TYW3: variants seen among roughly 807,000 people sequenced by gnomAD.
TYW3 encodes the protein tRNA wybutosine-synthesizing protein 3 homolog.
Under a neutral mutation model 23.1 loss-of-function variants are expected in TYW3, and 26 were observed. The ratio of observed to expected loss-of-function variants is 1.13; its 90% confidence interval spans 0.83 to 1.56. TYW3 has a LOEUF of 1.56. TYW3 is among the 40% of genes most tolerant of loss of function. TYW3 has a pLI of 0.00. For missense variants in TYW3, 316 were observed against 311.9 expected (o/e 1.01, Z -0.10); for synonymous variants, 102 against 105.7 (o/e 0.97, Z 0.21).
At chr1:74,743,220 T>G (rs1648426815) in intron 3 of TYW3, among the ~76,000 whole-genome samples, 1 of 152,284 alleles carries the variant, frequency 6.6e-6, no homozygotes, top group East Asian at 1.9e-4. Context: ...CACCGGGTGA[T>G]TGGCCTGCTC....
intron 3 of TYW3, among the ~76,000 whole-genome samples, chr1:74,748,265 T>C (rs1357504508): frequency 1.3e-5 from 2 of 152,170 alleles, no homozygotes; most frequent in African/African-American, 4.8e-5. Context: ...CTCTCTGACA[T>C]TTAGAGACTG....
intron 4 of TYW3, 57 bp downstream of exon 4, chr1:74,748,879 T>A: frequency 8.9e-6 from 13 of 1,454,364 alleles, no homozygotes; most frequent in Non-Finnish European, 1.2e-5. Context: ...AGAAATTGAA[T>A]AACCTAATTA....
At chr1:74,744,351 CAGAG>C (rs1186681718) in intron 3 of TYW3, among the ~76,000 whole-genome samples, 1 of 151,324 alleles carries the variant, frequency 6.6e-6, no homozygotes. Context: ...TTTTCCCCAT[CAGAG>C]AGAGAATATT....
At chr1:74,748,117 C>T (rs1648651499) in intron 3 of TYW3, among the ~76,000 whole-genome samples, 1 of 139,852 alleles carries the variant, frequency 7.2e-6, no homozygotes, top group Non-Finnish European at 1.5e-5. Context: ...TGCTAGAGAT[C>T]TCCCTTCCTC....
At chr1:74,756,936 A>G (rs896938228) in intron 5 of TYW3, among the ~76,000 whole-genome samples, 4 of 152,336 alleles carry the variant, frequency 2.6e-5, no homozygotes, top group Admixed American at 2.6e-4. Flanking sequence ...AAAGGGACCA[A>G]TGTAGAGCTT....
chr1:74,747,882 CAT>C (rs79762448), intron 3 of TYW3, among the ~76,000 whole-genome samples: 59,447 of 150,520 alleles, frequency 0.39, 14,291 homozygotes, highest in Non-Finnish European at 0.55. Flanking sequence ...CATACACACA[CAT>C]ATACACATAT....
chr1:74,733,215 A>G lies in TYW3; in HGVS notation c.-30A>G. ...GGGAGAGACGAGGCTACCATGAAGG[A>G]GCCGAGCGCAGACCCTGAGTCCGTC... is the stretch of plus-strand genomic sequence containing the variant. On this transcript the variant is annotated 5_prime_UTR_variant, in exon 1 of 6. Coordinates refer to ENST00000370867, the MANE Select transcript of TYW3 (RefSeq NM_138467.3). 6.2e-7 allele frequency: 1 copy of G among 1,610,364 alleles called. No homozygotes were observed. Among genetic ancestry groups the G allele is most frequent in the Non-Finnish European group, 8.5e-7 (1 of 1,178,072 alleles).
Position 74,747,894 on chromosome 1 carries a change from TAC to T in TYW3, c.355-851_355-850del, listed in dbSNP as rs1169725710. Among the ~76,000 whole-genome samples the T allele has an allele frequency of 3.3e-5, 5 of 150,180 alleles. No individual in the cohort carries two copies. The East Asian group carries it at 9.7e-4, about 29-fold the overall frequency. Reference sequence around the variant, plus strand: ...ACACATACACACACATATACACATATACACACATATATACACACGTATATACA... The same window carrying T: ...ACACATACACACACATATACACATATACACATATATACACACGTATATACA... On this transcript the variant is annotated intron_variant, in intron 3 of 5. Transcript: ENST00000370867.
At chr1:74,743,603 T>C (rs1459909710) in intron 3 of TYW3, among the ~76,000 whole-genome samples, 2 of 152,170 alleles carry the variant, frequency 1.3e-5, no homozygotes, top group African/African-American at 2.4e-5. Flanking sequence ...TCATGGGCTT[T>C]TTCCTAATTC....
At position 74,736,772 on chromosome 1, in the gene TYW3, C is replaced by T. The variant is rs182069979; in HGVS notation, c.255+150C>T. 3.8e-5 allele frequency: 23 copies of T among 606,162 alleles called. No individual in the cohort carries two copies. In the Admixed American group the frequency reaches 5.4e-4, roughly 14 times the overall value. The allele number at this position is 606,162 out of a possible 1,614,324, so 37.5% of individuals were successfully genotyped here. On this transcript the variant is annotated intron_variant, in intron 2 of 5. Transcript: ENST00000370867. ...CTAGAGAGCTTTCATTACAATGGCT[C>T]TTTTTGGGTTGTAGGAGATAAAAAG...
chr1:74,757,426 C>T (rs185729323), intron 5 of TYW3, among the ~76,000 whole-genome samples: 24 of 152,354 alleles, frequency 1.6e-4, no homozygotes, highest in African/African-American at 5.5e-4. Flanking sequence ...GACATGGAGT[C>T]AAAGGAGATC....
At chr1:74,752,686 A>T (rs1648827403) in intron 5 of TYW3, among the ~76,000 whole-genome samples, 1 of 152,130 alleles carries the variant, frequency 6.6e-6, no homozygotes, top group African/African-American at 2.4e-5. Flanking sequence ...AGCTGGCATA[A>T]AGGGGAGAAA....
In TYW3 at chr1:74,764,023, G is replaced by A; in HGVS notation, c.690G>A (p.Gln230=). The A allele has an allele frequency of 6.2e-7, 1 of 1,613,066 alleles. No homozygotes were observed. Among genetic ancestry groups the A allele is most frequent in the Non-Finnish European group, 8.5e-7 (1 of 1,179,570 alleles). Residue 230 remains glutamine (Q), a synonymous_variant, in exon 6 of 6, where the codon CAG becomes CAA. Transcript: ENST00000370867. ...GAAACCCAGAAAAAACACGTGCCCAGTGTATTACTAAAGAAAGTGATGAAG... is the reference window on the plus strand; with the variant it reads ...GAAACCCAGAAAAAACACGTGCCCAATGTATTACTAAAGAAAGTGATGAAG... ...KKRNPEKTRA[Q]CITKESDEEL... is the part of the protein sequence containing the mutation.
rs1649218945 is a variant in TYW3 at position 74,764,070 on chromosome 1, A to T, written c.737A>T (p.Asp246Val). ...SDEELENDDD[D>V]DLGINVTIFP... is the part of the protein sequence containing the mutation. ...GAAGAACTTGAAAATGATGATGATG[A>T]TGATCTAGGAATCAATGTTACCATC... Residue 246 changes from aspartate (D) to valine (V), a missense_variant, in exon 6 of 6, where the codon GAT becomes GTT. Coordinates refer to ENST00000370867, the MANE Select transcript of TYW3 (RefSeq NM_138467.3). 1.2e-6 allele frequency: 2 copies of T among 1,613,128 alleles called. No individual in the cohort carries two copies. The highest frequency in any genetic ancestry group is 2.2e-5 in the South Asian group (2 of 90,948).
At chr1:74,762,822 T>G (rs561021582) in intron 5 of TYW3, among the ~76,000 whole-genome samples, 1 of 152,256 alleles carries the variant, frequency 6.6e-6, no homozygotes, top group Admixed American at 6.5e-5. Context: ...CTATGCTGCC[T>G]GCTGCAGGCT....
intron 3 of TYW3, among the ~76,000 whole-genome samples, chr1:74,740,472 G>C (rs1339503571): frequency 6.6e-6 from 1 of 152,066 alleles, no homozygotes; most frequent in Non-Finnish European, 1.5e-5. Context: ...TGCTGGCTCG[G>C]GTGGACAGTT....
At chr1:74,747,365 C>G (rs183337400) in intron 3 of TYW3, among the ~76,000 whole-genome samples, 3 of 152,010 alleles carry the variant, frequency 2.0e-5, no homozygotes, top group African/African-American at 7.3e-5. Flanking sequence ...GGGCCAGGCG[C>G]GGTGGCTCAC....
At chr1:74,741,926 A>G (rs1280904342) in intron 3 of TYW3, among the ~76,000 whole-genome samples, 1 of 152,142 alleles carries the variant, frequency 6.6e-6, no homozygotes, top group Admixed American at 6.5e-5. Context: ...TTGTATCCCT[A>G]GCTCCCTGGA....
chr1:74,763,140 AGCT>A (rs1649183299), intron 5 of TYW3, among the ~76,000 whole-genome samples: 1 of 146,332 alleles, frequency 6.8e-6, no homozygotes, highest in Non-Finnish European at 1.6e-5. Flanking sequence ...TCTCAAGTGC[AGCT>A]ATTAGAAGCG....
Sources: gnomAD v4.1 joint callset for allele counts (sites outside exome capture counted in the v4.1 genomes callset) on GRCh38, gnomAD v4.1.1 for gene constraint, MANE v1.5 for transcripts, NCBI Gene and HGNC (gene_info 2026-07-23, HGNC 2026-07-21) for gene names.